The following PLD5 variants were observed in gnomAD, a reference collection of about 807,000 sequenced individuals.
PLD5 encodes the protein phospholipase D family member 5.
Under a neutral mutation model 61.1 loss-of-function variants are expected in PLD5, and 36 were observed. That is an observed-to-expected ratio of 0.59 (90% CI 0.45 to 0.78). The LOEUF (loss-of-function observed/expected upper bound fraction) is 0.78, where lower values mean the gene tolerates loss of function less well. PLD5 is among the 30% of genes least tolerant of loss of function. PLD5 has a pLI of 0.00. For missense variants in PLD5, 515 were observed against 644.4 expected (o/e 0.80, Z 2.17); for synonymous variants, 243 against 242.8 (o/e 1.00, Z -0.01).
At chr1:242,224,178 A>G (rs1670783097) in intron 4 of PLD5, among the ~76,000 whole-genome samples, 1 of 152,188 alleles carries the variant, frequency 6.6e-6, no homozygotes, top group South Asian at 2.1e-4. Context: ...GACATGCAAT[A>G]CAGGCCTCAA....
intron 5 of PLD5, among the ~76,000 whole-genome samples, chr1:242,208,789 A>G (rs537115982): frequency 7.2e-5 from 11 of 151,982 alleles, no homozygotes; most frequent in African/African-American, 2.7e-4. Flanking sequence ...CTGTGCCCCA[A>G]GAGATGGCCT....
chr1:242,359,851 T>C (rs186149404), intron 1 of PLD5, among the ~76,000 whole-genome samples: 1 of 152,358 alleles, frequency 6.6e-6, no homozygotes, highest in African/African-American at 2.4e-5. Context: ...TGTTAGTATA[T>C]TGTTGCATTT....
At chr1:242,244,081 T>G (rs1167794231) in intron 4 of PLD5, among the ~76,000 whole-genome samples, 1 of 152,216 alleles carries the variant, frequency 6.6e-6, no homozygotes, top group Non-Finnish European at 1.5e-5. Flanking sequence ...TGCCTTCCAT[T>G]TAATGACATA....
chr1:242,364,112 T>C (rs570405040), intron 1 of PLD5, among the ~76,000 whole-genome samples: 63 of 151,994 alleles, frequency 4.1e-4, no homozygotes, highest in African/African-American at 1.5e-3. Context: ...GAACTAAACT[T>C]TTATGCACTT....
At position 242,300,128 on chromosome 1, in the gene PLD5, C is replaced by T. The variant is rs376852908; in HGVS notation, c.327-11598G>A. On this transcript the variant is annotated intron_variant, in intron 2 of 9. Coordinates refer to ENST00000536534, the MANE Select transcript of PLD5 (RefSeq NM_001372062.1). Reference sequence around the variant, plus strand: ...GAATTTGTGAGCAGAGTGCTCAGAACAGAAAGGAACATCAACCAAGAAGAT... The same window carrying T: ...GAATTTGTGAGCAGAGTGCTCAGAATAGAAAGGAACATCAACCAAGAAGAT... Among the ~76,000 whole-genome samples, 573 of 152,274 alleles carry T rather than the reference C, an allele frequency of 3.8e-3. 2 individuals are homozygous for T. The highest frequency in any genetic ancestry group is 0.013 in the African/African-American group (550 of 41,550).
chr1:242,317,959 G>C (rs573583940), intron 2 of PLD5, among the ~76,000 whole-genome samples: 1 of 152,170 alleles, frequency 6.6e-6, no homozygotes, highest in Admixed American at 6.5e-5. Context: ...CTGTTCATGG[G>C]ACTGCAGTTC....
intron 5 of PLD5, among the ~76,000 whole-genome samples, chr1:242,198,003 C>T (rs976207808): frequency 2.0e-5 from 3 of 152,136 alleles, no homozygotes; most frequent in Non-Finnish European, 2.9e-5. Flanking sequence ...AAAACACCCT[C>T]GGCCTCACTG....
At position 242,370,498 on chromosome 1, in the gene PLD5, C is replaced by T. The variant is rs576549472; in HGVS notation, c.190-22256G>A. On this transcript the variant is annotated intron_variant, in intron 1 of 9. Transcript: ENST00000536534. ...ATTCTAATAGTACAGAGGGCTGAGC[C>T]AGGGGCCAGGGGAGGGGGCATTAAT... Among the ~76,000 whole-genome samples, 6 of 151,844 alleles carry T rather than the reference C, an allele frequency of 4.0e-5. No individual in the cohort carries two copies. The East Asian group carries it at 5.8e-4, about 15-fold the overall frequency.
At chr1:242,418,527 A>T (rs1238410610) in intron 1 of PLD5, among the ~76,000 whole-genome samples, 2 of 152,144 alleles carry the variant, frequency 1.3e-5, no homozygotes, top group Non-Finnish European at 2.9e-5. Context: ...AGACATCAGC[A>T]CTACGAGGTA....
intron 5 of PLD5, among the ~76,000 whole-genome samples, chr1:242,176,125 C>T (rs918952001): frequency 6.6e-6 from 1 of 152,130 alleles, no homozygotes; most frequent in African/African-American, 2.4e-5. Flanking sequence ...CCCGCATAGC[C>T]AAGACAATCC....
intron 4 of PLD5, among the ~76,000 whole-genome samples, chr1:242,234,152 T>C (rs1368880520): frequency 1.3e-5 from 2 of 152,232 alleles, no homozygotes; most frequent in Non-Finnish European, 2.9e-5. Flanking sequence ...ACAATGTGTC[T>C]TCCATTCCAA....
At chr1:242,164,220 A>T (rs945216538) in intron 5 of PLD5, among the ~76,000 whole-genome samples, 4 of 152,208 alleles carry the variant, frequency 2.6e-5, no homozygotes, top group African/African-American at 9.7e-5. Context: ...AAGTGCAGAA[A>T]AACCATCTGT....
chr1:242,278,353 T>C (rs1428965275), intron 3 of PLD5, among the ~76,000 whole-genome samples: 1 of 152,234 alleles, frequency 6.6e-6, no homozygotes, highest in Non-Finnish European at 1.5e-5. Flanking sequence ...AGGTTCATGA[T>C]TTATTCATGG....
In PLD5 at chr1:242,304,520, A is replaced by G. The variant is rs142210105; in HGVS notation, c.327-15990T>C. 6.6e-5 allele frequency among the ~76,000 whole-genome samples: 10 copies of G among 152,350 alleles called. No individual in the cohort carries two copies. In the East Asian group the frequency reaches 1.9e-3, roughly 29 times the overall value. On this transcript the variant is annotated intron_variant, in intron 2 of 9. Transcript: ENST00000536534. ...TGTAATGAGTGAAACTTGCTAGATA[A>G]TGATATAAGTTCTGCAAGTTGATTC...
intron 2 of PLD5, among the ~76,000 whole-genome samples, chr1:242,317,008 CTTTT>C (rs913777385): frequency 2.8e-5 from 4 of 144,196 alleles, no homozygotes; most frequent in African/African-American, 5.1e-5. Context: ...ATCCAGTCTA[CTTTT>C]TTTTTTTTTT....
chr1:242,183,413 A>G (rs1667646894), intron 5 of PLD5, among the ~76,000 whole-genome samples: 1 of 152,136 alleles, frequency 6.6e-6, no homozygotes, highest in Admixed American at 6.5e-5. Flanking sequence ...TATTTGTCAA[A>G]TGCAATGAGA....
chr1:242,236,629 A>T (rs1244307051), intron 4 of PLD5, among the ~76,000 whole-genome samples: 1 of 152,216 alleles, frequency 6.6e-6, no homozygotes, highest in African/African-American at 2.4e-5. Flanking sequence ...GGAGGTTTGC[A>T]CCATGGGAAA....
chr1:242,347,728 T>C (rs1334598440), intron 2 of PLD5, among the ~76,000 whole-genome samples: 1 of 152,200 alleles, frequency 6.6e-6, no homozygotes, highest in Non-Finnish European at 1.5e-5. Flanking sequence ...CCCTGAGACG[T>C]GTATTTTTTA....
In PLD5 at chr1:242,089,974, C is replaced by T. The variant is rs138582821; in HGVS notation, c.1491G>A (p.Pro497=). The T allele has an allele frequency of 3.8e-4, 621 of 1,614,124 alleles. No individual in the cohort carries two copies. The highest frequency in any genetic ancestry group is 4.8e-4 in the Non-Finnish European group (571 of 1,180,038). Residue 497 remains proline, a synonymous_variant, in exon 10 of 10, where the codon CCG becomes CCA. Coordinates refer to ENST00000536534, the MANE Select transcript of PLD5 (RefSeq NM_001372062.1). ...TGGTTGGCTGTAAGGTTTTGGCATA[C>T]GGTGAATACCAGTCCCTTTCAAACA... is the stretch of plus-strand genomic sequence containing the variant. ...KDVFERDWYS[P]YAKTLQPTKQ... is the part of the protein sequence containing the mutation.
Sources: allele counts gnomAD v4.1 joint callset (sites outside exome capture counted in the v4.1 genomes callset), GRCh38; gene constraint gnomAD v4.1.1; transcripts MANE v1.5; gene names NCBI Gene and HGNC (gene_info 2026-07-23, HGNC 2026-07-21).